DSCAM: variants seen among roughly 807,000 people sequenced by gnomAD.
DSCAM encodes DS cell adhesion molecule.
In DSCAM, 47 loss-of-function variants were observed where a neutral mutation model predicts 217.7. That is an observed-to-expected ratio of 0.22 (90% confidence interval 0.17 to 0.28). The LOEUF is 0.28. DSCAM is among the 10% of genes least tolerant of loss of function. The probability of loss-of-function intolerance (pLI) is 1.00; values close to 1 mark genes in which losing one functional copy is unlikely to be tolerated. For missense variants in DSCAM, 2,080 were observed against 2,618.3 expected (o/e 0.79, Z 4.49); for synonymous variants, 1,056 against 1,015.3 (o/e 1.04, Z -0.76).
chr21:40,601,972 C>T (rs1305823953), intron 3 of DSCAM, among the ~76,000 whole-genome samples: 13 of 149,324 alleles, frequency 8.7e-5, no homozygotes, highest in Non-Finnish European at 1.3e-4. Context: ...CTGTAGTTTT[C>T]TTGTGATGTC....
chr21:40,391,031 G>C (rs1326938797), intron 3 of DSCAM, among the ~76,000 whole-genome samples: 2 of 151,938 alleles, frequency 1.3e-5, no homozygotes, highest in African/African-American at 4.8e-5. Flanking sequence ...AGTGGAGGGA[G>C]ACCTTCTCAC....
rs541036985 is a variant in DSCAM, at chr21:40,421,125, A to G, written c.509-51880T>C. On this transcript the variant is annotated intron_variant, in intron 3 of 32. Transcript: ENST00000400454. Reference sequence around the variant, plus strand: ...TGTTAACCTGACAATTGTTTCAGCCATGAAGAAAGACAGAGGAATTGATGT... The same window carrying G: ...TGTTAACCTGACAATTGTTTCAGCCGTGAAGAAAGACAGAGGAATTGATGT... 3.3e-5 allele frequency among the ~76,000 whole-genome samples: 5 copies of G among 152,364 alleles called. No individual in the cohort carries two copies. In the East Asian group the frequency reaches 7.7e-4, roughly 24 times the overall value.
chr21:40,517,059 G>GTATA (rs554763917), intron 3 of DSCAM, among the ~76,000 whole-genome samples: 1 of 145,844 alleles, frequency 6.9e-6, no homozygotes, highest in Non-Finnish European at 1.5e-5. Flanking sequence ...TATACTCTGT[G>GTATA]TATATATATA....
intron 27 of DSCAM, among the ~76,000 whole-genome samples, chr21:40,072,983 A>T (rs944100420): frequency 1.3e-5 from 2 of 152,210 alleles, no homozygotes; most frequent in African/African-American, 4.8e-5. Flanking sequence ...TGCCAGCCCC[A>T]GGATGTTTTC....
intron 11 of DSCAM, among the ~76,000 whole-genome samples, chr21:40,230,992 C>T (rs1003382765): frequency 1.3e-5 from 2 of 151,486 alleles, no homozygotes; most frequent in Non-Finnish European, 1.5e-5. Flanking sequence ...TTCTCTGAAG[C>T]CTTGACTCTC....
At chr21:40,041,552 A>G (rs1473061903) in intron 32 of DSCAM, among the ~76,000 whole-genome samples, 2 of 152,170 alleles carry the variant, frequency 1.3e-5, no homozygotes, top group African/African-American at 2.4e-5. Context: ...TCTTTTAGAC[A>G]GTAGTGAACC....
At chr21:40,465,491 A>G (rs904388277) in intron 3 of DSCAM, among the ~76,000 whole-genome samples, 1 of 152,196 alleles carries the variant, frequency 6.6e-6, no homozygotes, top group Non-Finnish European at 1.5e-5. Context: ...CAGATCAACT[A>G]CAGAAGCTCT....
rs574079435 is a variant in DSCAM at position 40,643,654 on chromosome 21, G to A, written c.508+49156C>T. Among the ~76,000 whole-genome samples the A allele has an allele frequency of 8.3e-4, 127 of 152,310 alleles. 2 individuals are homozygous for A. The highest frequency in any genetic ancestry group is 4.4e-5 in the Non-Finnish European group (3 of 68,036). The stretch of plus-strand genomic sequence containing the variant: ...TATATTGAAGCCCTCAGTCCCAGTA[G>A]AATCAGATTTGTAGACAGAGTCTTC... On this transcript the variant is annotated intron_variant, in intron 3 of 32. Transcript: ENST00000400454.
At position 40,708,583 on chromosome 21, in the gene DSCAM, TG is replaced by T; in HGVS notation, c.231del (p.Asn78ThrfsTer17). The T allele has an allele frequency of 6.2e-7, 1 of 1,610,388 alleles. No homozygotes were observed. The highest frequency in any genetic ancestry group is 8.5e-7 in the Non-Finnish European group (1 of 1,178,110). Reference sequence around the variant, plus strand: ...AAGGGGAAAATTTGGAGAGTGCCGTTGGGGTGGACGTGGCGGATCCCGGGGA... The same window carrying T: ...AAGGGGAAAATTTGGAGAGTGCCGTTGGGTGGACGTGGCGGATCCCGGGGA... Reference protein sequence around the residue: ...YDVPGIRHVHPNGTLQIFPFP... With the variant: ...YDVPGIRHVHXNGTLQIFPFP... On this transcript the variant is annotated frameshift_variant, in exon 2 of 33. Transcript: ENST00000400454. LOFTEE classifies it high-confidence loss of function.
intron 32 of DSCAM, among the ~76,000 whole-genome samples, chr21:40,037,881 A>G (rs1211401368): frequency 1.0e-4 from 15 of 147,296 alleles, no homozygotes; most frequent in Non-Finnish European, 1.5e-4. Context: ...CAACTATCTG[A>G]TCTTTGACCA....
At chr21:40,739,954 ATTTTTTTTTTTTTTT>A (rs56815777) in intron 1 of DSCAM, among the ~76,000 whole-genome samples, 31 of 58,976 alleles carry the variant, frequency 5.3e-4, no homozygotes, top group Non-Finnish European at 7.9e-4. Context: ...TGCAGGTGTA[ATTTTTTTTTTTTTTT>A]TTTTTTTTTT....
At chr21:40,751,019 G>C (rs143742756) in intron 1 of DSCAM, among the ~76,000 whole-genome samples, 1 of 152,066 alleles carries the variant, frequency 6.6e-6, no homozygotes, top group South Asian at 2.1e-4. Context: ...ATGCCACCCT[G>C]TTCAAAAACC....
chr21:40,064,595 C>T (rs914394922), intron 27 of DSCAM, among the ~76,000 whole-genome samples: 7 of 152,124 alleles, frequency 4.6e-5, no homozygotes, highest in African/African-American at 9.7e-5. Context: ...AAGGGTTGAC[C>T]GTTTGGGTCA....
At chr21:40,800,760 G>A (rs1156411438) in intron 1 of DSCAM, among the ~76,000 whole-genome samples, 1 of 144,856 alleles carries the variant, frequency 6.9e-6, no homozygotes, top group African/African-American at 2.6e-5. Context: ...CTGTTGCCTA[G>A]GCTGGAGTAC....
rs375538781 is a variant in DSCAM, at chr21:40,369,038, G to A, written c.655+61C>T. The A allele has an allele frequency of 1.5e-4, 218 of 1,448,222 alleles. 2 individuals are homozygous for A. The highest frequency in any genetic ancestry group is 1.1e-3 in the East Asian group (44 of 40,326). The allele number at this position is 1,448,222 out of a possible 1,614,324, so 89.7% of individuals were successfully genotyped here. On this transcript the variant is annotated intron_variant, in intron 4 of 32. Coordinates refer to ENST00000400454, the MANE Select transcript of DSCAM (RefSeq NM_001389.5). ...AACACTCCACAATTTTGATTGAGTC[G>A]TCTCAGGACACTAACAAAGAAATAG... is the stretch of plus-strand genomic sequence containing the variant.
intron 2 of DSCAM, among the ~76,000 whole-genome samples, chr21:40,703,235 T>C (rs1328150585): frequency 6.6e-6 from 1 of 152,140 alleles, no homozygotes; most frequent in Non-Finnish European, 1.5e-5. Flanking sequence ...CATTATTTTA[T>C]AAATTTACTT....
chr21:40,229,623 G>A lies in DSCAM; in HGVS notation c.2357-40385C>T, dbSNP rs770903489. Among the ~76,000 whole-genome samples, 48 of 152,142 alleles carry A rather than the reference G, an allele frequency of 3.2e-4. 1 individual carries two copies. Among genetic ancestry groups the A allele is most frequent in the Non-Finnish European group, 6.0e-4 (41 of 68,026 alleles). On this transcript the variant is annotated intron_variant, in intron 11 of 32. Coordinates refer to ENST00000400454, the MANE Select transcript of DSCAM (RefSeq NM_001389.5). ...AGTCATAGAGTATCCAGCCTTCTTA[G>A]ACTGGCTTCTTTCCCTTAATATGCA...
intron 10 of DSCAM, among the ~76,000 whole-genome samples, chr21:40,279,351 G>A (rs2073729312): frequency 7.0e-6 from 1 of 142,350 alleles, no homozygotes; most frequent in Non-Finnish European, 1.5e-5. Flanking sequence ...AGACTTTTAT[G>A]TGGCCAAGAA....
intron 3 of DSCAM, among the ~76,000 whole-genome samples, chr21:40,392,174 T>A (rs2222974): frequency 0.67 from 102,573 of 152,104 alleles, 35,471 homozygotes; most frequent in African/African-American, 0.82. Flanking sequence ...GGAATTCCTT[T>A]ATTTTAATCC....
Sources: allele counts gnomAD v4.1 joint callset (sites outside exome capture counted in the v4.1 genomes callset), GRCh38; gene constraint gnomAD v4.1.1; transcripts MANE v1.5; gene names NCBI Gene and HGNC (gene_info 2026-07-23, HGNC 2026-07-21).